The following OXTR variants were observed in gnomAD, a reference collection of about 807,000 sequenced individuals.
The protein encoded by OXTR is oxytocin receptor.
OXTR carries 19 observed loss-of-function variants against 23.9 expected under a neutral mutation model. The observed-to-expected ratio is 0.80, with a 90% confidence interval of 0.56 to 1.17. OXTR has a LOEUF of 1.17. OXTR is among the 50% of genes most tolerant of loss of function. The pLI, the probability that OXTR is intolerant of heterozygous loss-of-function variation, is 0.00. For missense variants in OXTR, 500 were observed against 550.7 expected (o/e 0.91, Z 0.92); for synonymous variants, 278 against 250.5 (o/e 1.11, Z -1.04).
Position 8,767,501 on chromosome 3 carries a change from C to A in OXTR, c.687G>T (p.Gln229His). 3 of 1,611,716 alleles carry A rather than the reference C, an allele frequency of 1.9e-6. No individual in the cohort carries two copies. The highest frequency in any genetic ancestry group is 1.7e-6 in the Non-Finnish European group (2 of 1,179,082). The change falls in exon 3 of 4, where the codon CAG (glutamine) becomes CAT (histidine). Residue 229 changes from glutamine (Q) to histidine (H), a missense_variant. By Grantham distance (24) the Gln-to-His change is conservative. Coordinates refer to ENST00000316793, the MANE Select transcript of OXTR (RefSeq NM_000916.4). The part of the protein sequence containing the change: ...CYGLISFKIW[Q>H]NLRLKTAAAA... ...CTGCAGCGGTCTTGAGCCGCAAGTT[C>A]TGCCAGATCTTGAAGCTGATAAGGC... is the stretch of plus-strand genomic sequence containing the variant.
At chr3:8,762,999 C>A (rs182132811) in intron 3 of OXTR, among the ~76,000 whole-genome samples, 8 of 152,328 alleles carry the variant, frequency 5.3e-5, no homozygotes, top group East Asian at 3.9e-4. Flanking sequence ...GACTGTGCAG[C>A]CTTGTGCCAG....
intron 3 of OXTR, among the ~76,000 whole-genome samples, chr3:8,754,862 G>A (rs1377017185): frequency 5.3e-5 from 8 of 152,112 alleles, no homozygotes; most frequent in South Asian, 2.1e-4. Context: ...TGGAACAAGA[G>A]CAAGCTACGA....
At position 8,751,470 on chromosome 3, in the gene OXTR, C is replaced by T. The variant is rs981982478; in HGVS notation, c.*1507G>A. On this transcript the variant is annotated 3_prime_UTR_variant, in exon 4 of 4. Coordinates refer to ENST00000316793, the MANE Select transcript of OXTR (RefSeq NM_000916.4). ...GAAACCACTGCCTAATTCAAGGTTA[C>T]AAAGATCTATGCCTATGTTTCTTTC... 1 of 152,170 alleles carries T rather than the reference C, an allele frequency of 6.6e-6. No homozygotes were observed. Among genetic ancestry groups the T allele is most frequent in the African/African-American group, 2.4e-5 (1 of 41,450 alleles). The allele number at this position is 152,170 out of a possible 1,614,324, so 9.4% of individuals were successfully genotyped here. A position where few individuals can be genotyped will look rare whatever the true frequency, so the allele number is the denominator to read the frequency against.
Position 8,763,708 on chromosome 3 carries a change from G to A in OXTR, c.922+3558C>T, listed in dbSNP as rs556866362. 7.2e-5 allele frequency among the ~76,000 whole-genome samples: 11 copies of A among 152,300 alleles called. No homozygotes were observed. The East Asian group carries it at 1.7e-3, about 24-fold the overall frequency. ...CACCAGCCTCACCAAGTCAGCACCC[G>A]ACGGCATCCGGCTGCTTTGAAGAAT... is the stretch of plus-strand genomic sequence containing the variant. On this transcript the variant is annotated intron_variant, in intron 3 of 3. Transcript: ENST00000316793.
In OXTR at chr3:8,753,024, G is replaced by A. The variant is rs1199625461; in HGVS notation, c.1123C>T (p.His375Tyr). Residue 375 changes from histidine (H) to tyrosine (Y), a missense_variant, in exon 4 of 4, where the codon CAT becomes TAT. By Grantham distance (83) the His-to-Tyr change is moderately conservative. Coordinates refer to ENST00000316793, the MANE Select transcript of OXTR (RefSeq NM_000916.4). ...KSNSSSFVLSHRSSSQRSCSQ... is the reference protein window; with the variant it reads ...KSNSSSFVLSYRSSSQRSCSQ... ...CAGCTCCTCTGGCTGGAGCTGCGATGGCTCAGGACAAAGGAGGACGAGTTG... is the reference window on the plus strand; with the variant it reads ...CAGCTCCTCTGGCTGGAGCTGCGATAGCTCAGGACAAAGGAGGACGAGTTG... 1 of 1,614,080 alleles carries A rather than the reference G, an allele frequency of 6.2e-7. No homozygotes were observed. The highest frequency in any genetic ancestry group is 8.5e-7 in the Non-Finnish European group (1 of 1,179,956).
At chr3:8,745,717 G>T, downstream of OXTR, 1 of 1,614,184 alleles carries the variant, frequency 6.2e-7, no homozygotes, top group Non-Finnish European at 8.5e-7. The surrounding 1 kb of genome is among the most constrained non-coding windows in gnomAD (Gnocchi z 4.8). Flanking sequence ...ACATCTGGGC[G>T]GTGGTGCCAT....
rs1475486408 is a variant in OXTR, at chr3:8,752,683, CTGGAG to C, written c.*289_*293del. The C allele has an allele frequency of 2.7e-6, 1 of 363,752 alleles. No homozygotes were observed. The highest frequency in any genetic ancestry group is 5.0e-6 in the Non-Finnish European group (1 of 200,284). 22.5% of individuals were successfully genotyped at this position (363,752 alleles called of 1,614,324 possible). On this transcript the variant is annotated 3_prime_UTR_variant, in exon 4 of 4. Transcript: ENST00000316793. ...CCCAGAATGAAGAAGTAAAAATATA[CTGGAG>C]TGAAATTACAAGTCCAGGAGAAAAA...
At chr3:8,759,948 G>C (rs1401324450) in intron 3 of OXTR, among the ~76,000 whole-genome samples, 1 of 152,162 alleles carries the variant, frequency 6.6e-6, no homozygotes, top group Admixed American at 6.5e-5. Flanking sequence ...CTCTAAACCA[G>C]AGCTAGAACC....
At chr3:8,754,666 T>C (rs761663434) in intron 3 of OXTR, among the ~76,000 whole-genome samples, 5 of 152,172 alleles carry the variant, frequency 3.3e-5, no homozygotes, top group Non-Finnish European at 5.9e-5. Flanking sequence ...TGTTGGTAAG[T>C]CTACATGAGT....
chr3:8,755,453 TCTCA>T (rs1281379401), intron 3 of OXTR, among the ~76,000 whole-genome samples: 2 of 152,262 alleles, frequency 1.3e-5, no homozygotes, highest in Non-Finnish European at 2.9e-5. Flanking sequence ...AAGCTATTGG[TCTCA>T]CTCTTTACTC....
In OXTR at chr3:8,752,922, A is replaced by C; in HGVS notation, c.*55T>G. 6.4e-7 allele frequency: 1 copy of C among 1,553,462 alleles called. No homozygotes were observed. The highest frequency in any genetic ancestry group is 8.7e-7 in the Non-Finnish European group (1 of 1,149,412). On this transcript the variant is annotated 3_prime_UTR_variant, in exon 4 of 4. Coordinates refer to ENST00000316793, the MANE Select transcript of OXTR (RefSeq NM_000916.4). ...ATACGCCATCACCTAGGAGCAGAGC[A>C]CTTATGCCAGCACAGCCTGAGCCTC...
chr3:8,745,783 C>T (rs894963662), downstream of OXTR: 18 of 1,613,976 alleles, frequency 1.1e-5, no homozygotes, highest in Non-Finnish European at 1.4e-5. This position sits in a 1 kb window ranked among gnomAD's most constrained non-coding sequence, Gnocchi z 4.8. Flanking sequence ...ACTCACTCTG[C>T]ATCCGCACCT....
chr3:8,753,399 T>C (rs990659784), intron 3 of OXTR, among the ~76,000 whole-genome samples, 175 bp from the exon 4 acceptor site: 3 of 152,204 alleles, frequency 2.0e-5, no homozygotes, highest in Non-Finnish European at 2.9e-5. Flanking sequence ...TCTCCCTCCT[T>C]GTCCTGGACA....
the OXTR span, among the ~76,000 whole-genome samples, chr3:8,743,563 G>C: frequency 2.6e-5 from 4 of 152,292 alleles, 1 homozygote; most frequent in African/African-American, 9.6e-5. Flanking sequence ...ATTATACAAG[G>C]AAGGTCCTGG....
chr3:8,752,756 T>C lies in OXTR; in HGVS notation c.*221A>G, dbSNP rs2124994168. 5.3e-6 allele frequency: 3 copies of C among 566,048 alleles called. No individual in the cohort carries two copies. Among genetic ancestry groups the C allele is most frequent in the Middle Eastern group, 4.7e-4 (1 of 2,114 alleles). 35.1% of individuals were successfully genotyped at this position (566,048 alleles called of 1,614,324 possible). A position where few individuals can be genotyped will look rare whatever the true frequency, so the allele number is the denominator to read the frequency against. On this transcript the variant is annotated 3_prime_UTR_variant, in exon 4 of 4. Transcript: ENST00000316793. ...CAGGGCAGCAGTGGGTTCAGGGTGG[T>C]AGAAGTACGTGTAGGAGGCCAGGGT...
At chr3:8,757,375 T>A (rs1370938832) in intron 3 of OXTR, among the ~76,000 whole-genome samples, 3 of 149,936 alleles carry the variant, frequency 2.0e-5, no homozygotes, top group Non-Finnish European at 3.0e-5. Context: ...AGACTCCCAA[T>A]CCCAGAACAA....
the OXTR span, among the ~76,000 whole-genome samples, chr3:8,743,143 C>T: frequency 4.3e-4 from 65 of 152,252 alleles, no homozygotes; most frequent in African/African-American, 1.5e-3. Flanking sequence ...GGTGAAGGGT[C>T]CGCCCCCATG....
the OXTR span, chr3:8,742,467 G>A: frequency 4.4e-6 from 2 of 456,544 alleles, no homozygotes; most frequent in Admixed American, 2.3e-5. Context: ...ACTACTGTAA[G>A]GAAAGGAGGA....
downstream of OXTR, among the ~76,000 whole-genome samples, chr3:8,747,707 G>C (rs1323881588): frequency 6.6e-6 from 1 of 152,130 alleles, no homozygotes; most frequent in African/African-American, 2.4e-5. Context: ...GCAGGCCCAG[G>C]CTCCTCCCTG....
Sources: gnomAD v4.1 joint callset for allele counts (sites outside exome capture counted in the v4.1 genomes callset) on GRCh38, gnomAD v4.1.1 for gene constraint, Gnocchi (gnomAD v3.1) non-coding constraint, MANE v1.5 for transcripts, NCBI Gene and HGNC (gene_info 2026-07-23, HGNC 2026-07-21) for gene names.